The following DCAF5 variants were observed in gnomAD, a reference collection of about 807,000 sequenced individuals.
DCAF5 encodes the protein DDB1- and CUL4-associated factor 5.
In DCAF5, 9 loss-of-function variants were observed where a neutral mutation model predicts 80.7. The ratio of observed to expected loss-of-function variants is 0.11; its 90% CI spans 0.07 to 0.19. The LOEUF (loss-of-function observed/expected upper bound fraction) is 0.19. Ranked by LOEUF, DCAF5 falls within the 10% of genes least tolerant of loss-of-function variation. DCAF5 has a pLI of 1.00. For synonymous variants in DCAF5, 433 were observed against 461.9 expected (o/e 0.94, Z 0.80); for missense variants, 842 against 1,205.7 (o/e 0.70, Z 4.47).
rs557297634 is a variant in DCAF5, at chr14:69,069,504, T to C, written c.946+5841A>G. Among the ~76,000 whole-genome samples the C allele has an allele frequency of 3.2e-4, 48 of 152,368 alleles. 1 individual carries two copies. In the South Asian group the frequency reaches 9.1e-3, roughly 29 times the overall value. On this transcript the variant is annotated intron_variant, in intron 7 of 8. Transcript: ENST00000341516. ...TAGACACGGAGTCTCATTCTGTTGC[T>C]GAAGTGTGCAGCCTCAAATTCCTGG... is the stretch of plus-strand genomic sequence containing the variant.
chr14:69,081,540 A>AT (rs1278707856), intron 6 of DCAF5, among the ~76,000 whole-genome samples: 1 of 152,204 alleles, frequency 6.6e-6, no homozygotes, highest in African/African-American at 2.4e-5. Context: ...AGGCCAGTGC[A>AT]TGGTGGTGTT....
chr14:69,056,512 C>T (rs1012263413), intron 8 of DCAF5, among the ~76,000 whole-genome samples: 3 of 152,238 alleles, frequency 2.0e-5, no homozygotes, highest in Admixed American at 6.5e-5. Context: ...CAAACGAGAA[C>T]GATTAGCTCC....
chr14:69,135,128 C>T (rs2041152694), intron 1 of DCAF5, among the ~76,000 whole-genome samples: 3 of 152,148 alleles, frequency 2.0e-5, no homozygotes, highest in Admixed American at 2.0e-4. Flanking sequence ...CCATGGACCC[C>T]AGAAGGTCTG....
intron 1 of DCAF5, among the ~76,000 whole-genome samples, chr14:69,139,280 G>A (rs1450448658): frequency 1.3e-5 from 2 of 151,992 alleles, no homozygotes; most frequent in African/African-American, 4.8e-5. Context: ...GAGGCCAGGA[G>A]TTCAAGACCA....
intron 1 of DCAF5, among the ~76,000 whole-genome samples, chr14:69,127,364 T>C (rs1157813154): frequency 2.0e-5 from 3 of 152,124 alleles, no homozygotes; most frequent in Non-Finnish European, 2.9e-5. Flanking sequence ...TAAGTACACA[T>C]TACCAAATGA....
At chr14:69,130,708 CGT>C (rs2041015539) in intron 1 of DCAF5, among the ~76,000 whole-genome samples, 1 of 152,118 alleles carries the variant, frequency 6.6e-6, no homozygotes, top group Non-Finnish European at 1.5e-5. Context: ...TAAAATATAA[CGT>C]ATTAGTGACT....
intron 8 of DCAF5, among the ~76,000 whole-genome samples, chr14:69,057,595 A>G (rs1878360355): frequency 6.6e-6 from 1 of 152,214 alleles, no homozygotes. Context: ...CCCTTCAGGA[A>G]TGAAAGTCAT....
chr14:69,088,166 C>T (rs912793111), intron 6 of DCAF5, among the ~76,000 whole-genome samples: 1 of 152,198 alleles, frequency 6.6e-6, no homozygotes, highest in African/African-American at 2.4e-5. Flanking sequence ...GCCCAATCCA[C>T]TTATTTTTGC....
At chr14:69,102,591 G>GACACACACACACACACACAC (rs143602483) in intron 5 of DCAF5, among the ~76,000 whole-genome samples, 14,937 of 124,446 alleles carry the variant, frequency 0.12, 1,430 homozygotes, top group East Asian at 0.39. Context: ...TAAAAACAAA[G>GACACACACACACACACACAC]ACACACACAC....
intron 1 of DCAF5, among the ~76,000 whole-genome samples, chr14:69,147,751 A>G (rs745412745): frequency 5.9e-5 from 9 of 152,198 alleles, no homozygotes; most frequent in Non-Finnish European, 1.0e-4. Context: ...ATACTTTGAA[A>G]CATCATAGTT....
intron 6 of DCAF5, among the ~76,000 whole-genome samples, chr14:69,079,988 A>G (rs896023349): frequency 6.6e-6 from 1 of 152,152 alleles, no homozygotes; most frequent in Admixed American, 6.5e-5. Context: ...ATAAAATGGT[A>G]TTTTGAATAG....
chr14:69,119,144 A>T, intron 3 of DCAF5, 50 bp downstream of exon 3: 1 of 1,590,874 alleles, frequency 6.3e-7, no homozygotes, highest in Non-Finnish European at 8.6e-7. Flanking sequence ...TTGCCTCTTC[A>T]TATATGAAAA....
intron 7 of DCAF5, among the ~76,000 whole-genome samples, chr14:69,062,868 A>C (rs1229325041): frequency 6.6e-6 from 1 of 152,192 alleles, no homozygotes; most frequent in Non-Finnish European, 1.5e-5. Context: ...AATGAGACTG[A>C]ACTGCTTGGG....
At chr14:69,065,847 C>T (rs933964352) in intron 7 of DCAF5, among the ~76,000 whole-genome samples, 13 of 152,166 alleles carry the variant, frequency 8.5e-5, no homozygotes, top group African/African-American at 3.1e-4. Flanking sequence ...TGGAAGGAGA[C>T]AGGAAGGGCA....
In DCAF5 at chr14:69,053,758, G is replaced by C. The variant is rs936506320; in HGVS notation, c.*99C>G. 8 of 1,206,088 alleles carry C rather than the reference G, an allele frequency of 6.6e-6. No individual in the cohort carries two copies. The highest frequency in any genetic ancestry group is 9.0e-6 in the Non-Finnish European group (8 of 890,722). The allele number at this position is 1,206,088 out of a possible 1,614,324, so 74.7% of individuals were successfully genotyped here. A position where few individuals can be genotyped will look rare whatever the true frequency, so the allele number is the denominator to read the frequency against. ...AAAATTTCAGGCCCTGGTTTCATGTGCCTTTAATACTTGTTTTTCCTTTCC... is the reference window on the plus strand; with the variant it reads ...AAAATTTCAGGCCCTGGTTTCATGTCCCTTTAATACTTGTTTTTCCTTTCC... On this transcript the variant is annotated 3_prime_UTR_variant, in exon 9 of 9. Transcript: ENST00000341516.
chr14:69,111,967 A>T (rs776757950), intron 5 of DCAF5, among the ~76,000 whole-genome samples: 1 of 152,218 alleles, frequency 6.6e-6, no homozygotes, highest in Non-Finnish European at 1.5e-5. Context: ...GTATTAAGAC[A>T]TCAAGAAGTG....
chr14:69,080,070 G>C (rs2039044417), intron 6 of DCAF5, among the ~76,000 whole-genome samples: 1 of 152,118 alleles, frequency 6.6e-6, no homozygotes, highest in South Asian at 2.1e-4. Flanking sequence ...AGCAGACAGA[G>C]TTCTGGCTAT....
intron 5 of DCAF5, among the ~76,000 whole-genome samples, chr14:69,092,712 GA>G (rs1348604322): frequency 1.3e-5 from 2 of 152,034 alleles, no homozygotes; most frequent in South Asian, 2.1e-4. Context: ...TGTTCACAAA[GA>G]ATTTTTATAT....
intron 7 of DCAF5, among the ~76,000 whole-genome samples, chr14:69,069,819 A>G (rs923969765): frequency 7.9e-5 from 12 of 151,690 alleles, no homozygotes; most frequent in African/African-American, 2.9e-4. Context: ...GGTTCCCACT[A>G]TGTTGCTCAG....
Sources: gnomAD v4.1 joint callset for allele counts (sites outside exome capture counted in the v4.1 genomes callset) on GRCh38, gnomAD v4.1.1 for gene constraint, MANE v1.5 for transcripts, NCBI Gene and HGNC (gene_info 2026-07-23, HGNC 2026-07-21) for gene names.